The following PLEKHA5 variants were observed in gnomAD, a reference collection of about 807,000 sequenced individuals.
PLEKHA5 encodes pleckstrin homology domain-containing family A member 5.
In PLEKHA5, 55 loss-of-function variants were observed where a neutral mutation model predicts 181.9. That is an observed-to-expected ratio of 0.30 (90% CI 0.24 to 0.38). PLEKHA5 has a LOEUF of 0.38. Ranked by LOEUF, PLEKHA5 falls within the 10% of genes least tolerant of loss-of-function variation. The pLI is 1.00. For missense variants in PLEKHA5, 1,432 were observed against 1,549.5 expected, an observed-to-expected ratio of 0.92 and a Z score of 1.27; for synonymous variants, 535 against 529.4, an observed-to-expected ratio of 1.01 and a Z score of -0.15.
At chr12:19,277,703 A>T (rs2074978285) in intron 11 of PLEKHA5, among the ~76,000 whole-genome samples, 1 of 152,350 alleles carries the variant, frequency 6.6e-6, no homozygotes, top group Non-Finnish European at 1.5e-5. Context: ...TGGTGGAATG[A>T]AACAATTGTA....
chr12:19,337,677 C>T (rs1227061144), intron 21 of PLEKHA5, among the ~76,000 whole-genome samples: 2 of 150,938 alleles, frequency 1.3e-5, no homozygotes, highest in Non-Finnish European at 2.9e-5. Context: ...TAAATTTGAA[C>T]ATTTTAGTTG....
intron 8 of PLEKHA5, among the ~76,000 whole-genome samples, chr12:19,267,692 G>A (rs1375391052): frequency 2.1e-5 from 3 of 143,746 alleles, no homozygotes; most frequent in African/African-American, 5.2e-5. Context: ...AGCCAGGCAC[G>A]GTGGCTCATG....
intron 3 of PLEKHA5, among the ~76,000 whole-genome samples, chr12:19,165,929 G>T (rs1386541198): frequency 3.9e-5 from 6 of 152,156 alleles, no homozygotes; most frequent in Non-Finnish European, 8.8e-5. Flanking sequence ...AGGACATTCA[G>T]CAAGTCCTTG....
At chr12:19,318,270 G>A (rs1451961518) in intron 16 of PLEKHA5, among the ~76,000 whole-genome samples, 4 of 151,578 alleles carry the variant, frequency 2.6e-5, no homozygotes, top group African/African-American at 9.7e-5. Flanking sequence ...GAAAAATTTC[G>A]GTGGTACTAA....
At chr12:19,321,063 A>T (rs1263252380) in intron 18 of PLEKHA5, among the ~76,000 whole-genome samples, 3 of 151,696 alleles carry the variant, frequency 2.0e-5, no homozygotes, top group African/African-American at 7.3e-5. Context: ...GCTACTCGGG[A>T]GTCTGAGGCC....
chr12:19,289,217 T>C (rs1307837566), intron 13 of PLEKHA5, among the ~76,000 whole-genome samples: 4 of 152,224 alleles, frequency 2.6e-5, no homozygotes, highest in Non-Finnish European at 5.9e-5. Flanking sequence ...CCATTTAATA[T>C]ACAGTAAAAA....
chr12:19,244,988 C>A lies in PLEKHA5; in HGVS notation c.228-8952C>A, dbSNP rs182505469. The stretch of plus-strand genomic sequence containing the variant: ...CATGAAATAGAGATTTAAAAAAAAA[C>A]CCCACCAAAAACACATGCTCCCACA... On this transcript the variant is annotated intron_variant, in intron 3 of 31. Transcript: ENST00000429027. Among the ~76,000 whole-genome samples the A allele has an allele frequency of 3.7e-3, 563 of 151,824 alleles. 5 individuals are homozygous for A. The highest frequency in any genetic ancestry group is 0.013 in the African/African-American group (522 of 41,406).
chr12:19,250,523 C>A (rs943498469), intron 3 of PLEKHA5, among the ~76,000 whole-genome samples: 1 of 152,022 alleles, frequency 6.6e-6, no homozygotes, highest in African/African-American at 2.4e-5. Flanking sequence ...GCGGAACTTG[C>A]AGTGAGCTGA....
intron 11 of PLEKHA5, among the ~76,000 whole-genome samples, chr12:19,278,430 T>C (rs2075193690): frequency 1.3e-5 from 2 of 152,198 alleles, no homozygotes; most frequent in South Asian, 4.1e-4. Flanking sequence ...AGATTGATAA[T>C]GTATGTCCCC....
At chr12:19,235,336 A>C (rs965342499) in intron 3 of PLEKHA5, among the ~76,000 whole-genome samples, 1 of 152,170 alleles carries the variant, frequency 6.6e-6, no homozygotes, top group Non-Finnish European at 1.5e-5. Flanking sequence ...GGTATCTAAA[A>C]ATTTTTATAT....
intron 3 of PLEKHA5, among the ~76,000 whole-genome samples, chr12:19,148,137 A>C (rs576058588): frequency 3.3e-5 from 5 of 152,070 alleles, no homozygotes; most frequent in Admixed American, 1.3e-4. Context: ...GCTCACTGCA[A>C]CCTCCGCCTC....
chr12:19,211,350 T>A (rs964987781), intron 3 of PLEKHA5, among the ~76,000 whole-genome samples: 4 of 152,206 alleles, frequency 2.6e-5, no homozygotes, highest in South Asian at 2.1e-4. Flanking sequence ...TTTTCCTTGA[T>A]CTTGGTGGGG....
intron 3 of PLEKHA5, among the ~76,000 whole-genome samples, chr12:19,155,717 CTATAGA>C (rs903958313): frequency 5.3e-5 from 8 of 152,188 alleles, no homozygotes; most frequent in Non-Finnish European, 1.2e-4. Flanking sequence ...AAGGTTCTTA[CTATAGA>C]TATAATGTTT....
intron 3 of PLEKHA5, among the ~76,000 whole-genome samples, chr12:19,196,828 T>A (rs1199729475): frequency 1.0e-5 from 1 of 97,782 alleles, no homozygotes. Flanking sequence ...TTTTTTTTTT[T>A]AGAGAAATAG....
At chr12:19,273,154 C>T (rs1023594706) in intron 10 of PLEKHA5, among the ~76,000 whole-genome samples, 1 of 152,136 alleles carries the variant, frequency 6.6e-6, no homozygotes, top group Non-Finnish European at 1.5e-5. Context: ...GGTGATCCAC[C>T]CACCCTGGCC....
At position 19,246,957 on chromosome 12, in the gene PLEKHA5, C is replaced by T. The variant is rs1271314257; in HGVS notation, c.228-6983C>T. Among the ~76,000 whole-genome samples the T allele has an allele frequency of 2.7e-5, 4 of 150,208 alleles. No homozygotes were observed. The Admixed American group carries it at 2.7e-4, about 10-fold the overall frequency. On this transcript the variant is annotated intron_variant, in intron 3 of 31. Transcript: ENST00000429027. ...AAATTTGAAACACCATATTAACAAACAAGTTTTTTTTCTAATTGCCTATTT... is the reference window on the plus strand; with the variant it reads ...AAATTTGAAACACCATATTAACAAATAAGTTTTTTTTCTAATTGCCTATTT...
rs376295647 is a variant in PLEKHA5, at chr12:19,130,431, C to G, written c.169+301C>G. Among the ~76,000 whole-genome samples, 1 of 151,910 alleles carries G rather than the reference C, an allele frequency of 6.6e-6. No individual in the cohort carries two copies. The highest frequency in any genetic ancestry group is 2.4e-5 in the African/African-American group (1 of 41,378). ...GACCCTCGCGACCCTAGAGTGGCGA[C>G]GCTCCCCTCCCTGAAACCTGGAGTC... On this transcript the variant is annotated intron_variant, in intron 2 of 31. Transcript: ENST00000429027. The surrounding 1 kb of genome is among the most constrained non-coding windows in gnomAD (Gnocchi z 4.5).
intron 3 of PLEKHA5, among the ~76,000 whole-genome samples, chr12:19,137,780 G>T (rs1320878252): frequency 6.6e-6 from 1 of 152,146 alleles, no homozygotes; most frequent in Non-Finnish European, 1.5e-5. Context: ...TTAGGGCCAG[G>T]TTTGCTCAAT....
At chr12:19,356,103 C>T (rs551460762) in intron 26 of PLEKHA5, among the ~76,000 whole-genome samples, 2 of 151,288 alleles carry the variant, frequency 1.3e-5, no homozygotes, top group South Asian at 2.1e-4. Flanking sequence ...AGGCGGAGGT[C>T]GCAGTGAGTC....
Sources: allele counts gnomAD v4.1 joint callset (sites outside exome capture counted in the v4.1 genomes callset), GRCh38; gene constraint gnomAD v4.1.1; non-coding constraint Gnocchi (gnomAD v3.1); transcripts MANE v1.5; gene names NCBI Gene and HGNC (gene_info 2026-07-23, HGNC 2026-07-21).